The following PCM1 variants were observed in gnomAD, a reference collection of about 807,000 sequenced individuals.
PCM1 encodes the protein pericentriolar material 1 protein.
PCM1 carries 157 observed loss-of-function variants against 241.9 expected under a neutral mutation model. That is an observed-to-expected ratio of 0.65 (90% CI 0.57 to 0.74). The LOEUF (loss-of-function observed/expected upper bound fraction) is 0.74, where lower values mean the gene tolerates loss of function less well. Ranked by LOEUF, PCM1 falls within the 30% of genes least tolerant of loss-of-function variation. PCM1 has a pLI of 0.00. For synonymous variants in PCM1, 1,085 were observed against 784.9 expected (o/e 1.38, Z -6.39); for missense variants, 3,478 against 2,360.1 (o/e 1.47, Z -9.81).
chr8:17,983,313 GTCCACT>G, intron 24 of PCM1: 7 of 1,310,726 alleles, frequency 5.3e-6, no homozygotes, highest in Non-Finnish European at 7.0e-6. Context: ...TAGTTTTGGT[GTCCACT>G]TTTTGTTAAT....
At chr8:17,978,462 C>CT (rs1160838142) in intron 23 of PCM1, among the ~76,000 whole-genome samples, 1 of 151,930 alleles carries the variant, frequency 6.6e-6, no homozygotes, top group Non-Finnish European at 1.5e-5. Flanking sequence ...TAAAAATCCT[C>CT]TAAGCTTCCA....
chr8:18,027,857 A>C lies in PCM1; in HGVS notation c.*195A>C. 2.5e-6 allele frequency: 1 copy of C among 396,822 alleles called. No homozygotes were observed. 24.6% of individuals were successfully genotyped at this position (396,822 alleles called of 1,614,324 possible). ...TCTGGACAGATTTAAGCCTTGACAC[A>C]CTGTGTTTTTTTTTTTTTCCCCCTT... On this transcript the variant is annotated 3_prime_UTR_variant, in exon 39 of 39. Transcript: ENST00000325083.
intron 6 of PCM1, among the ~76,000 whole-genome samples, chr8:17,942,669 G>A (rs1471384114): frequency 6.6e-6 from 1 of 151,602 alleles, no homozygotes; most frequent in South Asian, 2.1e-4. Context: ...TCCAGATAGA[G>A]TTAAAGACAA....
At chr8:17,972,786 A>T in intron 23 of PCM1, 99 bp downstream of exon 23, 1 of 628,044 alleles carries the variant, frequency 1.6e-6, no homozygotes, top group Non-Finnish European at 2.6e-6. Context: ...CTAGATGTGC[A>T]GGTGCTGTTC....
intron 2 of PCM1, chr8:17,926,452 C>G (rs1585362115): frequency 6.6e-6 from 1 of 152,204 alleles, no homozygotes; most frequent in Non-Finnish European, 1.5e-5. Context: ...GTGTGCAAAA[C>G]AGACAGGGTG....
At chr8:17,929,173 C>G (rs2058173653) in intron 2 of PCM1, among the ~76,000 whole-genome samples, 1 of 152,106 alleles carries the variant, frequency 6.6e-6, no homozygotes, top group African/African-American at 2.4e-5. Context: ...GTTGCTAAAT[C>G]TAGGAGGATA....
At chr8:17,984,619 T>C (rs371354315) in intron 24 of PCM1, among the ~76,000 whole-genome samples, 1 of 151,966 alleles carries the variant, frequency 6.6e-6, no homozygotes, top group African/African-American at 2.4e-5. Context: ...AGCACATTCT[T>C]TTTCCATTTT....
At chr8:17,927,338 C>G (rs1585400761) in intron 2 of PCM1, 1 of 152,010 alleles carries the variant, frequency 6.6e-6, no homozygotes, top group Non-Finnish European at 1.5e-5. Context: ...GCCATGTTGA[C>G]CAGGCGAATC....
rs1165282538 is a variant in PCM1 at position 18,011,786 on chromosome 8, G to A, written c.5470G>A (p.Ala1824Thr). 1 of 1,613,430 alleles carries A rather than the reference G, an allele frequency of 6.2e-7. No homozygotes were observed. Among genetic ancestry groups the A allele is most frequent in the Admixed American group, 1.7e-5 (1 of 59,918 alleles). ...GPVDVQTSLQ[A>T]NTEATEENEH... ...TGTGGATGTCCAGACTTCCCTCCAG[G>A]CTAACACTGAAGCTACTGAAGAAAA... Residue 1824 changes from alanine to threonine, a missense_variant, in exon 34 of 39, where the codon GCT becomes ACT. Ala to Thr is a moderately conservative substitution (Grantham distance 58, BLOSUM62 0). Transcript: ENST00000325083.
At chr8:17,942,561 G>C (rs1340957367) in intron 6 of PCM1, among the ~76,000 whole-genome samples, 4 of 152,066 alleles carry the variant, frequency 2.6e-5, no homozygotes, top group Non-Finnish European at 1.5e-5. Context: ...GCTTTTTTTA[G>C]AAAAATTATC....
At chr8:17,944,343 T>C (rs565586578) in intron 6 of PCM1, among the ~76,000 whole-genome samples, 47 of 152,252 alleles carry the variant, frequency 3.1e-4, no homozygotes, top group African/African-American at 9.9e-4. Context: ...CACAACTTTA[T>C]CTTCTCTAGG....
At chr8:18,012,408 T>C (rs1294357354) in intron 34 of PCM1, among the ~76,000 whole-genome samples, 4 of 152,184 alleles carry the variant, frequency 2.6e-5, no homozygotes, top group Non-Finnish European at 5.9e-5. Context: ...TATTCTATTA[T>C]TAGTTATTGT....
chr8:17,938,231 G>T (rs1448881872), intron 4 of PCM1, among the ~76,000 whole-genome samples: 18 of 152,088 alleles, frequency 1.2e-4, no homozygotes, highest in Admixed American at 1.2e-3. Context: ...ACCTGACCTT[G>T]TGTGATGGTC....
chr8:18,018,605 G>C (rs180814999), intron 36 of PCM1, among the ~76,000 whole-genome samples: 18 of 151,930 alleles, frequency 1.2e-4, no homozygotes, highest in African/African-American at 4.4e-4. Context: ...GAGGTCAAGA[G>C]ATTGAGACCA....
chr8:17,953,318 A>G (rs1652621131), intron 9 of PCM1, 132 bp downstream of exon 9: 4 of 463,904 alleles, frequency 8.6e-6, no homozygotes, highest in Non-Finnish European at 1.5e-5. Context: ...AGACTTGCAT[A>G]TGAAAAGTTT....
At chr8:17,939,052 C>G in intron 5 of PCM1, 43 bp downstream of exon 5, 4 of 1,596,934 alleles carry the variant, frequency 2.5e-6, no homozygotes, top group Non-Finnish European at 2.6e-6. Flanking sequence ...ACACAAACCT[C>G]AAAATACCAA....
At chr8:17,957,815 T>C in intron 13 of PCM1, 40 bp downstream of exon 13, 4 of 1,333,882 alleles carry the variant, frequency 3.0e-6, no homozygotes, top group South Asian at 1.2e-5. Flanking sequence ...ATTTGTCAAA[T>C]AGTACAGTCT....
chr8:18,011,959 A>G (rs2092578505), intron 34 of PCM1, 132 bp downstream of exon 34: 1 of 773,748 alleles, frequency 1.3e-6, no homozygotes, highest in East Asian at 2.9e-5. Flanking sequence ...CCTCATTAAT[A>G]TGCTTATTAA....
At chr8:17,981,567 A>C (rs1213955020) in intron 24 of PCM1, among the ~76,000 whole-genome samples, 2 of 152,198 alleles carry the variant, frequency 1.3e-5, no homozygotes, top group Non-Finnish European at 2.9e-5. Context: ...ACATTAGACT[A>C]TAGTGGATAG....
Sources: allele counts gnomAD v4.1 joint callset (sites outside exome capture counted in the v4.1 genomes callset), GRCh38; gene constraint gnomAD v4.1.1; transcripts MANE v1.5; gene names NCBI Gene and HGNC (gene_info 2026-07-23, HGNC 2026-07-21).